Variants in CD2 observed in about 807,000 individuals in gnomAD.
CD2 encodes the protein T-cell surface antigen CD2.
Under a neutral mutation model 23.2 loss-of-function variants are expected in CD2, and 18 were observed. The ratio of observed to expected loss-of-function variants is 0.77; its 90% confidence interval spans 0.54 to 1.15. The LOEUF is 1.15. CD2 is among the 50% of genes most tolerant of loss of function. The pLI is 0.00. For synonymous variants in CD2, 162 were observed against 151.9 expected (o/e 1.07, Z -0.49); for missense variants, 424 against 423.1 (o/e 1.00, Z -0.02).
chr1:116,763,146 C>T (rs1425946526), intron 3 of CD2, among the ~76,000 whole-genome samples: 1 of 152,232 alleles, frequency 6.6e-6, no homozygotes, highest in African/African-American at 2.4e-5. Flanking sequence ...ATTATGTCTG[C>T]TTCTCTGGTG....
In CD2 at chr1:116,764,593, G is replaced by T. The variant is rs767951220; in HGVS notation, c.723G>T (p.Arg241Ser). Residue 241 changes from arginine (R) to serine (S), a missense_variant, in exon 4 of 5, where the codon AGG (arginine) becomes AGT (serine). Physicochemically the swap from Arg to Ser is moderately radical, Grantham distance 110. Transcript: ENST00000369478. ...VFYITKRKKQ[R>S]SRRNDEELET... ...ATATCACCAAAAGGAAAAAACAGAGGAGTCGGAGAAATGGTAAGCTCCCCC... is the reference window on the plus strand; with the variant it reads ...ATATCACCAAAAGGAAAAAACAGAGTAGTCGGAGAAATGGTAAGCTCCCCC... 1 of 1,613,940 alleles carries T rather than the reference G, an allele frequency of 6.2e-7. No individual in the cohort carries two copies. Among genetic ancestry groups the T allele is most frequent in the South Asian group, 1.1e-5 (1 of 91,056 alleles).
chr1:116,758,599 C>A (rs1460945829), intron 2 of CD2, among the ~76,000 whole-genome samples: 1 of 152,134 alleles, frequency 6.6e-6, no homozygotes, highest in South Asian at 2.1e-4. Context: ...TGAAAAGAGC[C>A]TCTGATTATG....
intron 4 of CD2, 23 bp from the exon 5 acceptor site, chr1:116,768,441 C>G: frequency 1.2e-6 from 2 of 1,607,944 alleles, no homozygotes; most frequent in Non-Finnish European, 1.7e-6. Context: ...AAGATGAACT[C>G]TATTGAGGTT....
At chr1:116,762,919 T>C (rs60107928) in intron 3 of CD2, among the ~76,000 whole-genome samples, 6,034 of 152,308 alleles carry the variant, frequency 0.04, 340 homozygotes, top group African/African-American at 0.12. Context: ...GTGGCCACCC[T>C]ACCCGATGAC....
At chr1:116,758,011 C>A (rs1055663437) in intron 2 of CD2, among the ~76,000 whole-genome samples, 1 of 151,676 alleles carries the variant, frequency 6.6e-6, no homozygotes, top group African/African-American at 2.4e-5. Context: ...TCAAGAGATC[C>A]GCCCACCTTA....
chr1:116,755,872 G>T (rs892359593), intron 2 of CD2, among the ~76,000 whole-genome samples: 2 of 152,176 alleles, frequency 1.3e-5, no homozygotes, highest in Admixed American at 1.3e-4. Context: ...TGCTGGGGAA[G>T]TAGTGACAAG....
intron 4 of CD2, among the ~76,000 whole-genome samples, chr1:116,767,817 A>T (rs936779075): frequency 1.3e-5 from 2 of 152,108 alleles, no homozygotes; most frequent in Admixed American, 1.3e-4. Context: ...CTACATTACG[A>T]GTAGCTGTAG....
rs1652317787 is a variant in CD2 at position 116,769,089 on chromosome 1, G to T, written c.*306G>T. The T allele has an allele frequency of 3.3e-6, 1 of 304,398 alleles. No homozygotes were observed. Among genetic ancestry groups the T allele is most frequent in the Non-Finnish European group, 6.0e-6 (1 of 165,400 alleles). 18.9% of individuals were successfully genotyped at this position (304,398 alleles called of 1,614,324 possible). A position where few individuals can be genotyped will look rare whatever the true frequency, so the allele number is the denominator to read the frequency against. ...GTCCCCTCTCAGGTCATGTGTAGAT[G>T]CGATAAATCAAGTGATTGGTGTGCC... On this transcript the variant is annotated 3_prime_UTR_variant, in exon 5 of 5. Transcript: ENST00000369478.
intron 2 of CD2, 111 bp from the exon 3 acceptor site, chr1:116,760,291 T>C: frequency 1.3e-6 from 1 of 753,186 alleles, no homozygotes; most frequent in Non-Finnish European, 2.2e-6. Flanking sequence ...TAGAGGTCTT[T>C]GACATTGTTC....
chr1:116,756,788 G>GTAGT (rs2101155496), intron 2 of CD2, among the ~76,000 whole-genome samples: 1 of 152,158 alleles, frequency 6.6e-6, no homozygotes, highest in East Asian at 1.9e-4. Flanking sequence ...GATTCAACTT[G>GTAGT]TAGTTGGTCA....
At chr1:116,761,830 T>C (rs573016321) in intron 3 of CD2, among the ~76,000 whole-genome samples, 1 of 152,130 alleles carries the variant, frequency 6.6e-6, no homozygotes, top group Non-Finnish European at 1.5e-5. Flanking sequence ...TGCCTCTCCT[T>C]GACTTCGCAA....
In CD2 at chr1:116,769,037, C is replaced by CGA; in HGVS notation, c.*256_*257dup. ...TGTGATTGCAAGAATGGTAGAGGAC[C>CGA]GAGCACAGAAATCTTAGAGATTTCT... is the stretch of plus-strand genomic sequence containing the variant. On this transcript the variant is annotated 3_prime_UTR_variant, in exon 5 of 5. Coordinates refer to ENST00000369478, the MANE Select transcript of CD2 (RefSeq NM_001767.5). 1 of 449,664 alleles carries CGA rather than the reference C, an allele frequency of 2.2e-6. No homozygotes were observed. Among genetic ancestry groups the CGA allele is most frequent in the South Asian group, 3.8e-5 (1 of 26,526 alleles). The allele number at this position is 449,664 out of a possible 1,614,324, so 27.9% of individuals were successfully genotyped here.
intron 2 of CD2, among the ~76,000 whole-genome samples, chr1:116,758,092 T>A (rs1400776748): frequency 6.6e-6 from 1 of 151,508 alleles, no homozygotes; most frequent in African/African-American, 2.4e-5. Context: ...TTTATATATA[T>A]ACATATAAAT....
intron 2 of CD2, 163 bp downstream of exon 2, chr1:116,755,114 G>GATA: frequency 1.6e-6 from 1 of 613,234 alleles, no homozygotes; most frequent in Non-Finnish European, 2.9e-6. Context: ...GTGGTCCAAT[G>GATA]CGGGAATGGG....
rs182592716 is a variant in CD2, at chr1:116,763,544, C to T, written c.614-940C>T. 3.5e-3 allele frequency among the ~76,000 whole-genome samples: 533 copies of T among 152,308 alleles called. 3 individuals are homozygous for T. The highest frequency in any genetic ancestry group is 8.3e-3 in the Admixed American group (127 of 15,302). On this transcript the variant is annotated intron_variant, in intron 3 of 4. Transcript: ENST00000369478. ...GAAACAGCTCCCAGAAACACCAGTG[C>T]GAGAACACTAGTAAGAGCAAGACCT...
intron 2 of CD2, among the ~76,000 whole-genome samples, chr1:116,756,989 C>CTTTTTTT (rs1651871717): frequency 6.9e-6 from 1 of 144,418 alleles, no homozygotes. Context: ...CTCCAAGCTT[C>CTTTTTTT]TCTTTTTTTT....
In CD2 at chr1:116,754,967, C is replaced by A. The variant is rs777300638; in HGVS notation, c.382+16C>A. 1 of 1,531,858 alleles carries A rather than the reference C, an allele frequency of 6.5e-7. No individual in the cohort carries two copies. The highest frequency in any genetic ancestry group is 8.9e-7 in the Non-Finnish European group (1 of 1,121,386). 94.9% of individuals were successfully genotyped at this position (1,531,858 alleles called of 1,614,324 possible). A position where few individuals can be genotyped will look rare whatever the true frequency, so the allele number is the denominator to read the frequency against. ...AAGATTCAAGGTAAGTGTTCATTCCCTTAATTGCTTTATTTCAGTGTGGGT... is the reference window on the plus strand; with the variant it reads ...AAGATTCAAGGTAAGTGTTCATTCCATTAATTGCTTTATTTCAGTGTGGGT... On this transcript the variant is annotated intron_variant, in intron 2 of 4. Transcript: ENST00000369478.
rs374052588 is a variant in CD2, at chr1:116,756,217, G to A, written c.382+1266G>A. 1.7e-3 allele frequency among the ~76,000 whole-genome samples: 253 copies of A among 152,164 alleles called. 3 individuals carry two copies. The highest frequency in any genetic ancestry group is 0.011 in the East Asian group (58 of 5,178). On this transcript the variant is annotated intron_variant, in intron 2 of 4. Transcript: ENST00000369478. ...TGGGGTTGAGCATGGCGCTGAAAAG[G>A]GCCTCTGATTATGGGCTCTGGAAAC...
intron 4 of CD2, among the ~76,000 whole-genome samples, chr1:116,765,989 A>G (rs1652203769): frequency 6.6e-6 from 1 of 152,256 alleles, no homozygotes; most frequent in South Asian, 2.1e-4. Flanking sequence ...TTTGCCTTAA[A>G]TCCTATGGCC....
Sources: allele counts gnomAD v4.1 joint callset (sites outside exome capture counted in the v4.1 genomes callset), GRCh38; gene constraint gnomAD v4.1.1; transcripts MANE v1.5; gene names NCBI Gene and HGNC (gene_info 2026-07-23, HGNC 2026-07-21).